The following ADGRL3 variants were observed in gnomAD, a reference collection of about 807,000 sequenced individuals.
ADGRL3 encodes the protein adhesion G protein-coupled receptor L3, also known as calcium-independent alpha-latrotoxin receptor 3.
A neutral mutation model predicts 153.5 loss-of-function variants in ADGRL3; 62 were observed. The ratio of observed to expected loss-of-function variants is 0.40; its 90% CI spans 0.33 to 0.50. The LOEUF (loss-of-function observed/expected upper bound fraction) is 0.50, where lower values mean the gene tolerates loss of function less well. Ranked by LOEUF, ADGRL3 falls within the 20% of genes least tolerant of loss-of-function variation. ADGRL3 has a pLI of 0.47. For synonymous variants in ADGRL3, 710 were observed against 672.5 expected (o/e 1.06, Z -0.86); for missense variants, 1,641 against 1,859.4 (o/e 0.88, Z 2.16).
chr4:61,517,342 C>T lies in ADGRL3; in HGVS notation c.83C>T (p.Ala28Val). Reference protein sequence around the residue: ...HGGKHSERHPALAAPLRHAER... With the variant: ...HGGKHSERHPVLAAPLRHAER... ...GGCAAGCACAGTGAACGACATCCTG[C>T]CCTTGCTGCTCCATTGCGACACGCT... The change falls in exon 4 of 27, where the codon GCC (alanine) becomes GTC (valine). Residue 28 changes from alanine to valine, a missense_variant. By Grantham distance (64) the Ala-to-Val change is moderately conservative. Coordinates refer to ENST00000683033, the MANE Select transcript of ADGRL3 (RefSeq NM_001387552.1). The T allele has an allele frequency of 1.4e-6, 1 of 703,744 alleles. No homozygotes were observed. The highest frequency in any genetic ancestry group is 2.6e-6 in the Non-Finnish European group (1 of 385,850). 43.6% of individuals were successfully genotyped at this position (703,744 alleles called of 1,614,324 possible). A position where few individuals can be genotyped will look rare whatever the true frequency, so the allele number is the denominator to read the frequency against.
intron 2 of ADGRL3, among the ~76,000 whole-genome samples, chr4:61,455,630 G>A (rs1033813108): frequency 5.9e-5 from 9 of 151,838 alleles, no homozygotes; most frequent in African/African-American, 2.2e-4. Context: ...TGCAACTACT[G>A]AACTCTGCTA....
chr4:61,899,697 A>G (rs763918918), intron 11 of ADGRL3, among the ~76,000 whole-genome samples: 1 of 152,194 alleles, frequency 6.6e-6, no homozygotes, highest in Non-Finnish European at 1.5e-5. Flanking sequence ...TAGGTAGCTT[A>G]TAAACAACAG....
intron 1 of ADGRL3, among the ~76,000 whole-genome samples, chr4:61,280,484 C>A (rs1341758982): frequency 6.6e-6 from 1 of 151,894 alleles, no homozygotes; most frequent in Non-Finnish European, 1.5e-5. Flanking sequence ...CCTAACACAC[C>A]TAGTATACTA....
intron 19 of ADGRL3, among the ~76,000 whole-genome samples, chr4:61,993,702 TCTCC>T (rs1371477098): frequency 6.6e-6 from 1 of 152,068 alleles, no homozygotes; most frequent in African/African-American, 2.4e-5. Context: ...TCTCTCTCTC[TCTCC>T]CTCTCTGTCG....
intron 8 of ADGRL3, among the ~76,000 whole-genome samples, chr4:61,777,948 A>G (rs1011291197): frequency 9.2e-5 from 14 of 152,172 alleles, no homozygotes; most frequent in Non-Finnish European, 1.5e-4. Context: ...GACTTAAGAA[A>G]GAGTTCTAGT....
intron 6 of ADGRL3, among the ~76,000 whole-genome samples, chr4:61,686,291 A>G (rs553671075): frequency 8.4e-4 from 128 of 152,260 alleles, no homozygotes; most frequent in Middle Eastern, 3.4e-3. Context: ...ATCCCAAAGT[A>G]TTTGTTGCTG....
In ADGRL3 at chr4:62,070,900, A is replaced by G; in HGVS notation, c.4624A>G (p.Ser1542Gly). 1 of 1,542,434 alleles carries G rather than the reference A, an allele frequency of 6.5e-7. No individual in the cohort carries two copies. Among genetic ancestry groups the G allele is most frequent in the Non-Finnish European group, 8.8e-7 (1 of 1,142,166 alleles). The change falls in exon 27 of 27, where the codon AGT becomes GGT. Residue 1542 changes from serine (S) to glycine (G), a missense_variant. Around this residue, in one of 5 missense-constraint regions of ADGRL3, gnomAD observed 517 missense variants for 555.0 expected, o/e 0.93. Transcript: ENST00000683033. The part of the protein sequence containing the change: ...SSKGPAHLVT[S>G]L ...AAAAGGACCGGCTCATTTGGTCACT[A>G]GTCTATAGAAGATGACACAGAAATT...
At chr4:61,531,096 A>G (rs2098610166) in intron 4 of ADGRL3, among the ~76,000 whole-genome samples, 1 of 152,214 alleles carries the variant, frequency 6.6e-6, no homozygotes, top group Admixed American at 6.5e-5. Context: ...ACCACCTATG[A>G]AAGAATGAAG....
chr4:61,985,868 G>A (rs536632931), intron 19 of ADGRL3, among the ~76,000 whole-genome samples: 1 of 148,534 alleles, frequency 6.7e-6, no homozygotes, highest in South Asian at 2.1e-4. Context: ...TGATTTTTCT[G>A]TTGATTCCAG....
chr4:61,837,519 G>A (rs1000062827), intron 9 of ADGRL3, among the ~76,000 whole-genome samples: 7 of 152,042 alleles, frequency 4.6e-5, no homozygotes, highest in Non-Finnish European at 8.8e-5. Flanking sequence ...ATCTATACAG[G>A]TATGATTGGT....
At chr4:61,556,090 T>C (rs1220636676) in intron 4 of ADGRL3, among the ~76,000 whole-genome samples, 1 of 152,164 alleles carries the variant, frequency 6.6e-6, no homozygotes, top group Admixed American at 6.5e-5. Context: ...CTATTCAAGA[T>C]GGATTTGCTC....
chr4:61,709,910 A>T (rs561389403), intron 6 of ADGRL3, among the ~76,000 whole-genome samples: 1 of 152,294 alleles, frequency 6.6e-6, no homozygotes, highest in South Asian at 2.1e-4. Flanking sequence ...CAACTTCTGG[A>T]AGGGGCTTGT....
At chr4:61,576,536 G>A (rs1238251750) in intron 4 of ADGRL3, among the ~76,000 whole-genome samples, 5 of 149,130 alleles carry the variant, frequency 3.4e-5, no homozygotes, top group Non-Finnish European at 7.4e-5. Context: ...CTCATTTACC[G>A]ATATAACAAG....
At chr4:61,478,443 C>G (rs1281820941) in intron 2 of ADGRL3, among the ~76,000 whole-genome samples, 2 of 151,950 alleles carry the variant, frequency 1.3e-5, no homozygotes, top group Non-Finnish European at 2.9e-5. Context: ...CTAATGGATG[C>G]TTTTGGTTTA....
chr4:61,799,578 A>G (rs970620829), intron 8 of ADGRL3, among the ~76,000 whole-genome samples: 10 of 152,080 alleles, frequency 6.6e-5, no homozygotes, highest in African/African-American at 1.7e-4. Flanking sequence ...CAATAGCCCT[A>G]TGTTATAGAT....
chr4:61,643,875 T>C (rs1470193329), intron 5 of ADGRL3, among the ~76,000 whole-genome samples: 3 of 148,418 alleles, frequency 2.0e-5, no homozygotes, highest in Non-Finnish European at 3.0e-5. Flanking sequence ...TACCAGTTCC[T>C]CCTTTTACCT....
At chr4:62,009,850 C>T (rs2099175710) in intron 21 of ADGRL3, among the ~76,000 whole-genome samples, 1 of 152,096 alleles carries the variant, frequency 6.6e-6, no homozygotes, top group Non-Finnish European at 1.5e-5. Flanking sequence ...TTGCTCAGGC[C>T]ACTACAAATT....
chr4:61,745,858 A>C (rs1231543216), intron 8 of ADGRL3, among the ~76,000 whole-genome samples: 5 of 152,170 alleles, frequency 3.3e-5, no homozygotes, highest in Non-Finnish European at 7.3e-5. Context: ...CACACATAAC[A>C]ATATTAACTT....
rs1048237181 is a variant in ADGRL3, at chr4:61,892,613, G to A, written c.1481-43G>A. ...TACTAGGACATCTTGAGGTCCTCCTGTGAACAAGCAATGTAGGTGTTTTCT... is the reference window on the plus strand; with the variant it reads ...TACTAGGACATCTTGAGGTCCTCCTATGAACAAGCAATGTAGGTGTTTTCT... On this transcript the variant is annotated intron_variant, in intron 9 of 26. Transcript: ENST00000683033. 7 of 1,463,128 alleles carry A rather than the reference G, an allele frequency of 4.8e-6. No homozygotes were observed. In the Admixed American group the frequency reaches 8.4e-5, roughly 18 times the overall value. 90.6% of individuals were successfully genotyped at this position (1,463,128 alleles called of 1,614,324 possible).
Sources: allele counts gnomAD v4.1 joint callset (sites outside exome capture counted in the v4.1 genomes callset), GRCh38; gene constraint gnomAD v4.1.1; regional missense constraint gnomAD v4.1.1; transcripts MANE v1.5; gene names NCBI Gene and HGNC (gene_info 2026-07-23, HGNC 2026-07-21).